NRG1: variants seen among roughly 807,000 people sequenced by gnomAD.
NRG1 encodes the protein neuregulin 1.
Under a neutral mutation model 63.8 loss-of-function variants are expected in NRG1, and 18 were observed. The observed-to-expected ratio is 0.28, with a 90% confidence interval of 0.19 to 0.42. NRG1 has a LOEUF of 0.42. Ranked by LOEUF, NRG1 falls within the 10% of genes least tolerant of loss-of-function variation. The pLI, the probability that NRG1 is intolerant of heterozygous loss-of-function variation, is 1.00. For synonymous variants in NRG1, 302 were observed against 301.3 expected, an observed-to-expected ratio of 1.00 and a Z score of -0.02; for missense variants, 762 against 814.7, an observed-to-expected ratio of 0.94 and a Z score of 0.79.
At chr8:31,895,590 AAAT>A (rs1415954752) in intron 1 of NRG1, among the ~76,000 whole-genome samples, 1 of 152,186 alleles carries the variant, frequency 6.6e-6, no homozygotes, top group East Asian at 1.9e-4. Context: ...TGCAAAACTC[AAAT>A]ACTTTTACCT....
intron 1 of NRG1, among the ~76,000 whole-genome samples, chr8:31,873,008 A>G (rs1386356719): frequency 6.6e-6 from 1 of 152,246 alleles, no homozygotes; most frequent in South Asian, 2.1e-4. Flanking sequence ...ATAATGGTAC[A>G]TAATTTAATT....
intron 1 of NRG1, among the ~76,000 whole-genome samples, chr8:32,014,166 T>G (rs1815154076): frequency 6.6e-6 from 1 of 152,192 alleles, no homozygotes; most frequent in Middle Eastern, 3.2e-3. Context: ...TTCATGATAT[T>G]GACTCTTCCT....
chr8:32,403,299 CAAAAAAAAA>C (rs68127664), intron 1 of NRG1, among the ~76,000 whole-genome samples: 3 of 89,794 alleles, frequency 3.3e-5, no homozygotes, highest in African/African-American at 1.2e-4. Context: ...CACTCTGTCT[CAAAAAAAAA>C]AAAAAAAAAA....
At chr8:31,997,184 C>CTTTTTTTTTTTTTTTTTTTTTT (rs56256338) in intron 1 of NRG1, among the ~76,000 whole-genome samples, 1 of 137,460 alleles carries the variant, frequency 7.3e-6, no homozygotes, top group African/African-American at 2.7e-5. Flanking sequence ...ATAGTGTAAC[C>CTTTTTTTTTTTTTTTTTTTTTT]TTTTTTTTTT....
chr8:31,917,000 CT>C (rs1177456360), intron 1 of NRG1, among the ~76,000 whole-genome samples: 1 of 151,844 alleles, frequency 6.6e-6, no homozygotes, highest in East Asian at 1.9e-4. Flanking sequence ...GCATAAATGT[CT>C]TCTTTTGAGA....
chr8:32,530,483 A>G (rs973195795), intron 1 of NRG1, among the ~76,000 whole-genome samples: 1 of 152,198 alleles, frequency 6.6e-6, no homozygotes, highest in Non-Finnish European at 1.5e-5. Flanking sequence ...CTCTATTTCC[A>G]TACAGTACTT....
chr8:31,948,893 C>G (rs978175653), intron 1 of NRG1, among the ~76,000 whole-genome samples: 4 of 152,090 alleles, frequency 2.6e-5, no homozygotes, highest in African/African-American at 9.7e-5. Context: ...TTGGCCTCTC[C>G]TGGTTAATTC....
intron 1 of NRG1, among the ~76,000 whole-genome samples, chr8:31,960,754 G>A (rs1455371628): frequency 1.3e-5 from 2 of 152,158 alleles, no homozygotes; most frequent in Non-Finnish European, 2.9e-5. Flanking sequence ...CAGACACCTG[G>A]GACTCCTCTT....
intron 1 of NRG1, among the ~76,000 whole-genome samples, chr8:31,954,035 C>T (rs1459233767): frequency 6.6e-6 from 1 of 152,004 alleles, no homozygotes; most frequent in Non-Finnish European, 1.5e-5. Flanking sequence ...CATAAATGGT[C>T]ACTAATATCT....
chr8:32,771,597 C>A (rs1326041763), downstream of NRG1, among the ~76,000 whole-genome samples: 1 of 149,812 alleles, frequency 6.7e-6, no homozygotes, highest in Non-Finnish European at 1.5e-5. Context: ...ATACTACCTC[C>A]AAACATCATT....
intron 1 of NRG1, among the ~76,000 whole-genome samples, chr8:32,044,033 T>A (rs1820526969): frequency 6.6e-6 from 1 of 151,892 alleles, no homozygotes; most frequent in South Asian, 2.1e-4. Context: ...GAAAAATGTA[T>A]GATGCAGCAA....
chr8:32,393,769 A>G (rs1812081961), intron 1 of NRG1, among the ~76,000 whole-genome samples: 1 of 152,164 alleles, frequency 6.6e-6, no homozygotes, highest in Non-Finnish European at 1.5e-5. Flanking sequence ...ATCAGAAAAA[A>G]TAACTGTTGG....
At chr8:32,158,625 A>G (rs896024822) in intron 1 of NRG1, among the ~76,000 whole-genome samples, 1 of 151,436 alleles carries the variant, frequency 6.6e-6, no homozygotes, top group African/African-American at 2.4e-5. Flanking sequence ...GCCCCTCACC[A>G]CCACAAACAC....
chr8:31,914,163 T>C (rs1040385132), intron 1 of NRG1, among the ~76,000 whole-genome samples: 1 of 152,180 alleles, frequency 6.6e-6, no homozygotes, highest in African/African-American at 2.4e-5. Context: ...TTCTTTCCCA[T>C]TCAGATATTT....
intron 1 of NRG1, among the ~76,000 whole-genome samples, chr8:32,054,180 A>G (rs1822462168): frequency 6.6e-6 from 1 of 152,192 alleles, no homozygotes; most frequent in Admixed American, 6.6e-5. Context: ...AATTCCCAAT[A>G]CAGACATGGA....
At chr8:32,635,686 C>A (rs999405048) in intron 5 of NRG1, among the ~76,000 whole-genome samples, 4 of 152,108 alleles carry the variant, frequency 2.6e-5, no homozygotes, top group East Asian at 1.9e-4. Context: ...ATTGTCATTG[C>A]AGTTTTTTAA....
chr8:31,923,448 G>A (rs1834078568), intron 1 of NRG1, among the ~76,000 whole-genome samples: 1 of 152,054 alleles, frequency 6.6e-6, no homozygotes. Flanking sequence ...CCTTGTGATA[G>A]CAAGGTTATA....
intron 1 of NRG1, among the ~76,000 whole-genome samples, chr8:31,644,149 T>C (rs1804068777): frequency 6.6e-6 from 1 of 152,182 alleles, no homozygotes; most frequent in Non-Finnish European, 1.5e-5. Context: ...CTATTCTTAA[T>C]AAAAGCTATA....
At chr8:31,914,401 C>T (rs1230016396) in intron 1 of NRG1, among the ~76,000 whole-genome samples, 13 of 143,466 alleles carry the variant, frequency 9.1e-5, no homozygotes, top group Non-Finnish European at 1.7e-4. Flanking sequence ...ATTTCCTGGC[C>T]AGTTTTTGGT....
Sources: allele counts gnomAD v4.1 joint callset (sites outside exome capture counted in the v4.1 genomes callset), GRCh38; gene constraint gnomAD v4.1.1; transcripts MANE v1.5; gene names NCBI Gene and HGNC (gene_info 2026-07-23, HGNC 2026-07-21).